The following HSP90AA1 variants were observed in gnomAD, a reference collection of about 807,000 sequenced individuals.
The protein encoded by HSP90AA1 is heat shock protein HSP 90-alpha.
A neutral mutation model predicts 73.3 loss-of-function variants in HSP90AA1; 18 were observed. The ratio of observed to expected loss-of-function variants is 0.25; its 90% confidence interval spans 0.17 to 0.36. The LOEUF is 0.36. Among genes scored for constraint, HSP90AA1 ranks in the 10% least tolerant of loss-of-function variants. The pLI, the probability that HSP90AA1 is intolerant of heterozygous loss-of-function variation, is 1.00. For missense variants in HSP90AA1, 704 were observed against 874.2 expected (o/e 0.81, Z 2.45); for synonymous variants, 477 against 296.9 (o/e 1.61, Z -6.24).
chr14:102,113,946 G>A (rs1278948631), intron 1 of HSP90AA1, among the ~76,000 whole-genome samples: 1 of 152,048 alleles, frequency 6.6e-6, no homozygotes, highest in Non-Finnish European at 1.5e-5. Context: ...TCCTGACCTC[G>A]TGATCTGCCC....
intron 1 of HSP90AA1, among the ~76,000 whole-genome samples, chr14:102,130,234 G>A (rs976525200): frequency 6.6e-6 from 1 of 152,074 alleles, no homozygotes; most frequent in Non-Finnish European, 1.5e-5. Context: ...CTCCCAAAAC[G>A]CTGGGATTAC....
intron 1 of HSP90AA1, among the ~76,000 whole-genome samples, chr14:102,102,592 G>A (rs1004355206): frequency 2.0e-5 from 3 of 152,156 alleles, no homozygotes; most frequent in African/African-American, 4.8e-5. Context: ...TCAATGACAC[G>A]AGTTCCCTGT....
Position 102,083,062 on chromosome 14 carries a change from T to C in HSP90AA1, c.1727A>G (p.Lys576Arg). Residue 576 changes from lysine to arginine, a missense_variant, in exon 9 of 11, where the codon AAA (lysine) becomes AGA (arginine). Transcript: ENST00000216281. Reference protein sequence around the residue: ...TKFENLCKIMKDILEKKVEKV... With the variant: ...TKFENLCKIMRDILEKKVEKV... ...TTCAACTTTTTTCTCCAATATGTCTTTCATGATTTTGCAGAGGTTCTCAAA... is the reference window on the plus strand; with the variant it reads ...TTCAACTTTTTTCTCCAATATGTCTCTCATGATTTTGCAGAGGTTCTCAAA... 1 of 1,613,912 alleles carries C rather than the reference T, an allele frequency of 6.2e-7. No homozygotes were observed. The highest frequency in any genetic ancestry group is 1.3e-5 in the African/African-American group (1 of 75,048).
chr14:102,137,433 C>T (rs905045179), intron 1 of HSP90AA1, among the ~76,000 whole-genome samples: 1 of 151,764 alleles, frequency 6.6e-6, no homozygotes, highest in African/African-American at 2.4e-5. Context: ...TCAAGCAATT[C>T]TCTTGCCTCA....
At chr14:102,106,275 C>T (rs1303852763) in intron 1 of HSP90AA1, among the ~76,000 whole-genome samples, 1 of 152,118 alleles carries the variant, frequency 6.6e-6, no homozygotes, top group African/African-American at 2.4e-5. Flanking sequence ...TTCATTTACT[C>T]CTGGAAGTTT....
At chr14:102,137,224 G>A (rs1595685531) in intron 1 of HSP90AA1, among the ~76,000 whole-genome samples, 3 of 151,844 alleles carry the variant, frequency 2.0e-5, no homozygotes, top group South Asian at 2.1e-4. Flanking sequence ...CTGGGCAACA[G>A]AGTGAGACTC....
intron 1 of HSP90AA1, among the ~76,000 whole-genome samples, chr14:102,122,731 G>A (rs1157727377): frequency 1.3e-5 from 2 of 151,708 alleles, no homozygotes; most frequent in East Asian, 3.9e-4. Context: ...GCAAGGGTTC[G>A]ATCTCAGCTC....
rs1472356391 is a variant in HSP90AA1, at chr14:102,128,983, C to T, written c.155+10267G>A. Among the ~76,000 whole-genome samples the T allele has an allele frequency of 2.0e-5, 3 of 152,058 alleles. No individual in the cohort carries two copies. The East Asian group carries it at 5.8e-4, about 29-fold the overall frequency. On this transcript the variant is annotated intron_variant, in intron 1 of 11. Transcript: ENST00000334701. Reference sequence around the variant, plus strand: ...CAGAGCCCTTAGTGTTTCAGAATTTCTTTATGGCGCTCCCTGGACCAATAG... The same window carrying T: ...CAGAGCCCTTAGTGTTTCAGAATTTTTTTATGGCGCTCCCTGGACCAATAG...
chr14:102,138,455 T>C (rs991567937), intron 1 of HSP90AA1, among the ~76,000 whole-genome samples: 3 of 152,008 alleles, frequency 2.0e-5, no homozygotes, highest in Non-Finnish European at 4.4e-5. Context: ...TAAGAAAAAA[T>C]TTTAAGTATT....
chr14:102,100,508 C>CTCCG (rs907092289), intron 2 of HSP90AA1, among the ~76,000 whole-genome samples: 16 of 150,638 alleles, frequency 1.1e-4, no homozygotes, highest in African/African-American at 3.9e-4. Context: ...TCCCCACAAC[C>CTCCG]TCCGCCTCCC....
At chr14:102,087,161 C>CGCGCCTACGCAT, upstream of HSP90AA1, 1 of 983,700 alleles carries the variant, frequency 1.0e-6, no homozygotes, top group Non-Finnish European at 1.2e-6. Flanking sequence ...GCCGCGGCCG[C>CGCGCCTACGCAT]GCGCCTACGC....
chr14:102,100,491 T>G (rs557423032), intron 2 of HSP90AA1, among the ~76,000 whole-genome samples: 1 of 149,042 alleles, frequency 6.7e-6, no homozygotes, highest in South Asian at 2.2e-4. Flanking sequence ...AATGGCACGA[T>G]CTCAGCTCCC....
intron 1 of HSP90AA1, among the ~76,000 whole-genome samples, chr14:102,113,834 T>C (rs183168428): frequency 6.6e-6 from 1 of 152,216 alleles, no homozygotes; most frequent in Non-Finnish European, 1.5e-5. Flanking sequence ...CCTCAGCCTC[T>C]GGAATAGCTG....
At chr14:102,104,026 T>C (rs2049531097) in intron 1 of HSP90AA1, among the ~76,000 whole-genome samples, 1 of 151,006 alleles carries the variant, frequency 6.6e-6, no homozygotes, top group African/African-American at 2.4e-5. Context: ...GGGTGACAGA[T>C]TGAAATTCTG....
intron 1 of HSP90AA1, among the ~76,000 whole-genome samples, chr14:102,128,095 T>C (rs2152626011): frequency 6.6e-6 from 1 of 152,310 alleles, no homozygotes; most frequent in South Asian, 2.1e-4. Context: ...GGCAGTGCAG[T>C]GTGGGAGTCT....
intron 1 of HSP90AA1, among the ~76,000 whole-genome samples, chr14:102,138,613 A>G (rs1263085014): frequency 6.6e-6 from 1 of 152,134 alleles, no homozygotes; most frequent in Non-Finnish European, 1.5e-5. Context: ...TTAATACGGA[A>G]GATGTTTATG....
Position 102,083,112 on chromosome 14 carries a change from CT to C in HSP90AA1, c.1676del (p.Lys559ArgfsTer17). On this transcript the variant is annotated frameshift_variant, in exon 9 of 11. Transcript: ENST00000216281. LOFTEE classifies it high-confidence loss of function. ...LELPEDEEEK[K>X]KQEEKKTKFE... ...ACTTTGTTTTTTTCTCTTCCTGCTT[CT>C]TTTTCTCTTCTTCATCCTCTGGAAG... 6.2e-7 allele frequency: 1 copy of C among 1,613,824 alleles called. No homozygotes were observed. The highest frequency in any genetic ancestry group is 8.5e-7 in the Non-Finnish European group (1 of 1,179,778).
chr14:102,134,516 G>C (rs1334135782), intron 1 of HSP90AA1, among the ~76,000 whole-genome samples: 1 of 152,058 alleles, frequency 6.6e-6, no homozygotes, highest in Admixed American at 6.6e-5. Flanking sequence ...AAGGTGGCGC[G>C]TCTGGAGTTT....
chr14:102,121,657 T>C (rs2049779897), intron 1 of HSP90AA1, among the ~76,000 whole-genome samples: 1 of 152,214 alleles, frequency 6.6e-6, no homozygotes, highest in Admixed American at 6.5e-5. Context: ...TATTTTCCAA[T>C]GTGATAGTAA....
Sources: gnomAD v4.1 joint callset for allele counts (sites outside exome capture counted in the v4.1 genomes callset) on GRCh38, gnomAD v4.1.1 for gene constraint, MANE v1.5 for transcripts, NCBI Gene and HGNC (gene_info 2026-07-23, HGNC 2026-07-21) for gene names.